The following ADAMTSL3 variants were observed in gnomAD, a reference collection of about 807,000 sequenced individuals.
ADAMTSL3 encodes ADAMTS-like protein 3.
ADAMTSL3 carries 128 observed loss-of-function variants against 201.7 expected under a neutral mutation model. The ratio of observed to expected loss-of-function variants is 0.63; its 90% CI spans 0.55 to 0.73. The LOEUF (loss-of-function observed/expected upper bound fraction) is 0.73, where lower values mean the gene tolerates loss of function less well. Ranked by LOEUF, ADAMTSL3 falls within the 30% of genes least tolerant of loss-of-function variation. ADAMTSL3 has a pLI of 0.00. For synonymous variants in ADAMTSL3, 738 were observed against 748.4 expected (o/e 0.99, Z 0.23); for missense variants, 1,990 against 2,119.6 (o/e 0.94, Z 1.20).
chr15:83,818,214 A>C (rs1172937785), intron 5 of ADAMTSL3, among the ~76,000 whole-genome samples: 1 of 152,344 alleles, frequency 6.6e-6, no homozygotes, highest in East Asian at 1.9e-4. Context: ...AGATACAAAG[A>C]TCTATGTTAT....
At chr15:83,969,612 G>T (rs2067155361) in intron 19 of ADAMTSL3, among the ~76,000 whole-genome samples, 1 of 152,234 alleles carries the variant, frequency 6.6e-6, no homozygotes, top group African/African-American at 2.4e-5. Context: ...TATGCTAAGT[G>T]AAATAAGCCA....
rs2066852999 is a variant in ADAMTSL3, at chr15:83,955,910, C to A, written c.2490+12828C>A. On this transcript the variant is annotated intron_variant, in intron 19 of 29. Transcript: ENST00000286744. ...GAGGGAGGGGTAGTGCAGGTACTTC[C>A]CCAGCTGCCCCATCTGGTGTGTCAC... Among the ~76,000 whole-genome samples the A allele has an allele frequency of 2.0e-5, 3 of 152,024 alleles. No individual in the cohort carries two copies. In the South Asian group the frequency reaches 6.2e-4, roughly 32 times the overall value.
At chr15:83,717,085 ACATGGTTCT>A (rs952928189) in intron 3 of ADAMTSL3, among the ~76,000 whole-genome samples, 1 of 152,202 alleles carries the variant, frequency 6.6e-6, no homozygotes, top group African/African-American at 2.4e-5. Flanking sequence ...AATTCTGAAC[ACATGGTTCT>A]CATGAAAAAT....
At chr15:83,957,951 G>T (rs1338733239) in intron 19 of ADAMTSL3, among the ~76,000 whole-genome samples, 1 of 152,166 alleles carries the variant, frequency 6.6e-6, no homozygotes, top group Admixed American at 6.5e-5. Flanking sequence ...TAGTAGCATA[G>T]TTACTATTCC....
rs115921472 is a variant in ADAMTSL3, at chr15:83,973,168, C to T, written c.2644+2531C>T. Among the ~76,000 whole-genome samples, 1,162 of 152,212 alleles carry T rather than the reference C, an allele frequency of 7.6e-3. 12 individuals are homozygous for T. The highest frequency in any genetic ancestry group is 0.025 in the African/African-American group (1,025 of 41,532). On this transcript the variant is annotated intron_variant, in intron 20 of 29. Transcript: ENST00000286744. ...TCCCAACCTCATCAATTCCACTGACCCCATCACCTTGGCATGGTAACCCCT... is the reference window on the plus strand; with the variant it reads ...TCCCAACCTCATCAATTCCACTGACTCCATCACCTTGGCATGGTAACCCCT...
chr15:83,860,917 T>G (rs1350903349), intron 8 of ADAMTSL3, among the ~76,000 whole-genome samples: 1 of 152,152 alleles, frequency 6.6e-6, no homozygotes, highest in Non-Finnish European at 1.5e-5. Context: ...CCTTTCCTAG[T>G]CAAAGAAAGG....
intron 2 of ADAMTSL3, among the ~76,000 whole-genome samples, chr15:83,697,984 T>G (rs1016936813): frequency 4.6e-5 from 7 of 151,844 alleles, no homozygotes; most frequent in African/African-American, 1.7e-4. Context: ...CCCAGGAAAT[T>G]CCAAGGAATT....
intron 2 of ADAMTSL3, among the ~76,000 whole-genome samples, chr15:83,686,285 C>T (rs972255782): frequency 2.0e-5 from 3 of 152,194 alleles, no homozygotes; most frequent in African/African-American, 7.2e-5. Flanking sequence ...CAGTGTTTTA[C>T]TGTGGGCAGC....
At chr15:83,999,573 G>A (rs1228371571) in intron 23 of ADAMTSL3, among the ~76,000 whole-genome samples, 1 of 152,120 alleles carries the variant, frequency 6.6e-6, no homozygotes, top group Admixed American at 6.5e-5. Context: ...AATGAGAAAA[G>A]GTAGGTAGAA....
intron 6 of ADAMTSL3, among the ~76,000 whole-genome samples, chr15:83,835,692 A>G (rs1281624595): frequency 1.3e-5 from 2 of 152,236 alleles, no homozygotes; most frequent in African/African-American, 4.8e-5. Flanking sequence ...AGAAAGTTGC[A>G]TGAACACAAG....
intron 3 of ADAMTSL3, among the ~76,000 whole-genome samples, chr15:83,762,082 C>T (rs907512140): frequency 8.6e-5 from 13 of 151,012 alleles, no homozygotes; most frequent in African/African-American, 2.0e-4. Flanking sequence ...GATGGAGTCT[C>T]GCTCTATCAC....
chr15:84,035,620 G>A (rs72748659), intron 28 of ADAMTSL3, among the ~76,000 whole-genome samples: 18,071 of 152,186 alleles, frequency 0.12, 1,266 homozygotes, highest in Non-Finnish European at 0.16. Flanking sequence ...TTCCAACTAC[G>A]TGCAATACTC....
chr15:83,744,942 ACC>A (rs1301801961), intron 3 of ADAMTSL3, among the ~76,000 whole-genome samples: 1 of 152,188 alleles, frequency 6.6e-6, no homozygotes, highest in African/African-American at 2.4e-5. Flanking sequence ...CAAAGGCCCC[ACC>A]CTCAAGCCTG....
intron 19 of ADAMTSL3, among the ~76,000 whole-genome samples, chr15:83,960,392 T>TATTCC (rs1418234569): frequency 6.6e-6 from 1 of 152,034 alleles, no homozygotes. Flanking sequence ...AGCTGACAAA[T>TATTCC]ATTTCCTCAG....
intron 10 of ADAMTSL3, among the ~76,000 whole-genome samples, chr15:83,888,083 A>G (rs2065432043): frequency 6.6e-6 from 1 of 152,200 alleles, no homozygotes; most frequent in Admixed American, 6.5e-5. Flanking sequence ...TTGGGTGCCC[A>G]TGGAAAGACA....
intron 19 of ADAMTSL3, among the ~76,000 whole-genome samples, chr15:83,965,935 T>C (rs1048564841): frequency 6.6e-6 from 1 of 152,190 alleles, no homozygotes; most frequent in Non-Finnish European, 1.5e-5. Context: ...GAATGACTAC[T>C]GGGTGAATAA....
At chr15:83,890,336 T>G in intron 11 of ADAMTSL3, 89 bp downstream of exon 11, 1 of 1,488,536 alleles carries the variant, frequency 6.7e-7, no homozygotes, top group South Asian at 1.4e-5. Context: ...GGCAATACAT[T>G]TCCATTTCCT....
intron 8 of ADAMTSL3, among the ~76,000 whole-genome samples, chr15:83,864,328 C>A (rs1478075346): frequency 6.6e-6 from 1 of 152,140 alleles, no homozygotes. Flanking sequence ...AATTTTAGAC[C>A]AATATCCCTG....
chr15:83,907,043 G>A (rs1011114558), intron 15 of ADAMTSL3, among the ~76,000 whole-genome samples: 4 of 147,390 alleles, frequency 2.7e-5, no homozygotes, highest in Non-Finnish European at 5.9e-5. Flanking sequence ...GCATTGAGCC[G>A]TGATCACACC....
Sources: allele counts gnomAD v4.1 joint callset (sites outside exome capture counted in the v4.1 genomes callset), GRCh38; gene constraint gnomAD v4.1.1; transcripts MANE v1.5; gene names NCBI Gene and HGNC (gene_info 2026-07-23, HGNC 2026-07-21).